Variants in PDE4D observed in about 807,000 individuals in gnomAD.
The protein encoded by PDE4D is 3',5'-cyclic-AMP phosphodiesterase 4D.
In PDE4D, 24 loss-of-function variants were observed where a neutral mutation model predicts 87.4. That is an observed-to-expected ratio of 0.27 (90% CI 0.20 to 0.39). PDE4D has a LOEUF of 0.39. Ranked by LOEUF, PDE4D falls within the 10% of genes least tolerant of loss-of-function variation. The probability of loss-of-function intolerance (pLI) is 1.00; values close to 1 mark genes in which losing one functional copy is unlikely to be tolerated. For missense variants in PDE4D, 714 were observed against 1,041.0 expected (o/e 0.69, Z 4.32); for synonymous variants, 384 against 383.2 (o/e 1.00, Z -0.02).
intron 5 of PDE4D, among the ~76,000 whole-genome samples, chr5:59,072,119 C>T (rs536018432): frequency 6.6e-6 from 1 of 152,246 alleles, no homozygotes; most frequent in African/African-American, 2.4e-5. Context: ...AGATTGGAAG[C>T]TCTGTTTGCA....
At chr5:59,848,693 C>T (rs1744237991) in intron 1 of PDE4D, among the ~76,000 whole-genome samples, 1 of 151,918 alleles carries the variant, frequency 6.6e-6, no homozygotes, top group Admixed American at 6.6e-5. Context: ...CCACTTCATA[C>T]CCCTTAAGAG....
chr5:59,194,989 GTGGGT>G (rs1195140089), intron 2 of PDE4D, among the ~76,000 whole-genome samples: 1 of 152,150 alleles, frequency 6.6e-6, no homozygotes, highest in Non-Finnish European at 1.5e-5. Flanking sequence ...TATCATAAGA[GTGGGT>G]TGTTATAAAG....
At chr5:59,118,068 A>G (rs945619746) in intron 5 of PDE4D, among the ~76,000 whole-genome samples, 2 of 152,264 alleles carry the variant, frequency 1.3e-5, no homozygotes, top group Admixed American at 6.5e-5. Context: ...ATAGCTAGCT[A>G]TTTTGTATTC....
intron 2 of PDE4D, among the ~76,000 whole-genome samples, chr5:60,108,592 C>G (rs571920190): frequency 1.1e-4 from 16 of 152,262 alleles, no homozygotes; most frequent in African/African-American, 3.9e-4. Flanking sequence ...AGGCATCACG[C>G]TACCTGACTT....
At chr5:59,677,168 C>T (rs1272507200) in intron 1 of PDE4D, among the ~76,000 whole-genome samples, 1 of 151,544 alleles carries the variant, frequency 6.6e-6, no homozygotes, top group Non-Finnish European at 1.5e-5. Context: ...TATATACCCA[C>T]AGAAAACCAT....
At chr5:59,855,302 A>G (rs9292215) in intron 1 of PDE4D, among the ~76,000 whole-genome samples, 14,104 of 152,170 alleles carry the variant, frequency 0.093, 2,023 homozygotes, top group African/African-American at 0.31. Flanking sequence ...TACTTTTAAC[A>G]AGGTTCCATC....
intron 1 of PDE4D, among the ~76,000 whole-genome samples, chr5:59,630,336 C>T (rs890217911): frequency 6.6e-6 from 1 of 152,186 alleles, no homozygotes; most frequent in Non-Finnish European, 1.5e-5. Flanking sequence ...CTCATATTAT[C>T]TTGCTTCAGG....
chr5:60,264,936 C>A (rs1208880914), intron 1 of PDE4D, among the ~76,000 whole-genome samples: 1 of 152,200 alleles, frequency 6.6e-6, no homozygotes, highest in Non-Finnish European at 1.5e-5. Flanking sequence ...TGCCAGGGAA[C>A]ACTGTGCTGG....
intron 1 of PDE4D, among the ~76,000 whole-genome samples, chr5:60,290,781 A>G (rs114052747): frequency 0.027 from 4,150 of 152,276 alleles, 165 homozygotes; most frequent in African/African-American, 0.095. Flanking sequence ...ACTGCAGCCT[A>G]GGCAATCAGA....
intron 1 of PDE4D, among the ~76,000 whole-genome samples, chr5:59,701,032 C>T (rs1269026277): frequency 6.6e-6 from 1 of 152,156 alleles, no homozygotes; most frequent in Non-Finnish European, 1.5e-5. Context: ...TAACCTGGCT[C>T]ACAAGGTCCC....
intron 2 of PDE4D, among the ~76,000 whole-genome samples, chr5:59,195,921 C>G (rs1161050566): frequency 2.6e-5 from 4 of 151,806 alleles, no homozygotes; most frequent in Non-Finnish European, 4.4e-5. Flanking sequence ...CTCTTGAGAC[C>G]CTGTGACAGG....
intron 1 of PDE4D, among the ~76,000 whole-genome samples, chr5:60,201,412 T>C (rs867038700): frequency 1.3e-5 from 2 of 152,130 alleles, no homozygotes; most frequent in Middle Eastern, 3.4e-3. Flanking sequence ...TATAAAGAAA[T>C]GAACTACAAA....
intron 1 of PDE4D, among the ~76,000 whole-genome samples, chr5:59,868,790 G>T (rs553391010): frequency 6.6e-6 from 1 of 152,280 alleles, no homozygotes; most frequent in African/African-American, 2.4e-5. Flanking sequence ...GTGTAATGTA[G>T]TTTCTCACAC....
At chr5:59,559,698 C>A (rs1262830056) in intron 1 of PDE4D, among the ~76,000 whole-genome samples, 1 of 151,972 alleles carries the variant, frequency 6.6e-6, no homozygotes, top group Non-Finnish European at 1.5e-5. Flanking sequence ...TTAAAGACTT[C>A]CTGATTAGAA....
At chr5:59,990,536 A>C (rs1480534037) in intron 2 of PDE4D, among the ~76,000 whole-genome samples, 2 of 56,086 alleles carry the variant, frequency 3.6e-5, no homozygotes, top group Non-Finnish European at 4.9e-5. Context: ...AGATTTAAAA[A>C]ACAAACAAAA....
intron 5 of PDE4D, among the ~76,000 whole-genome samples, chr5:59,153,705 G>A (rs951310368): frequency 6.6e-6 from 1 of 151,806 alleles, no homozygotes; most frequent in African/African-American, 2.4e-5. Flanking sequence ...CCACACACTA[G>A]TACTATGTGT....
chr5:59,081,643 C>T (rs1766799791), intron 5 of PDE4D, among the ~76,000 whole-genome samples: 2 of 151,714 alleles, frequency 1.3e-5, no homozygotes, highest in South Asian at 4.2e-4. Flanking sequence ...GCTTGAATTA[C>T]TAAATGGTTT....
chr5:60,429,934 T>C lies in PDE4D; in HGVS notation c.-90+58008A>G. On this transcript the variant is annotated intron_variant, in intron 1 of 16. Transcript: ENST00000502484. The stretch of plus-strand genomic sequence containing the variant: ...CACATTCACACCGACTGTAGATTTT[T>C]TTAAAGTGGTAACAGGTACGTAGGC... The C allele has an allele frequency of 6.4e-6, 3 of 470,680 alleles. No homozygotes were observed. The Admixed American group carries it at 7.1e-5, about 11-fold the overall frequency. The allele number at this position is 470,680 out of a possible 1,614,324, so 29.2% of individuals were successfully genotyped here.
At chr5:59,179,670 G>T in intron 5 of PDE4D, 1 of 462,216 alleles carries the variant, frequency 2.2e-6, no homozygotes. Flanking sequence ...CAAGCAAAGT[G>T]TACTCACTAA....
Sources: gnomAD v4.1 joint callset for allele counts (sites outside exome capture counted in the v4.1 genomes callset) on GRCh38, gnomAD v4.1.1 for gene constraint, MANE v1.5 for transcripts, NCBI Gene and HGNC (gene_info 2026-07-23, HGNC 2026-07-21) for gene names.